Variants in TMEM132D observed in about 807,000 individuals in gnomAD.
TMEM132D encodes transmembrane protein 132D.
A neutral mutation model predicts 62.3 loss-of-function variants in TMEM132D; 21 were observed. The ratio of observed to expected loss-of-function variants is 0.34; its 90% confidence interval spans 0.24 to 0.49. The LOEUF is 0.49. Among genes scored for constraint, TMEM132D ranks in the 20% least tolerant of loss-of-function variants. The pLI is 0.99. For synonymous variants in TMEM132D, 621 were observed against 575.6 expected (o/e 1.08, Z -1.13); for missense variants, 1,346 against 1,402.8 (o/e 0.96, Z 0.65).
chr12:129,849,679 G>T (rs1349569368), intron 1 of TMEM132D, among the ~76,000 whole-genome samples: 1 of 152,210 alleles, frequency 6.6e-6, no homozygotes, highest in African/African-American at 2.4e-5. Flanking sequence ...TGCAGGGAAG[G>T]AACTGAGCTT....
intron 4 of TMEM132D, among the ~76,000 whole-genome samples, chr12:129,322,915 C>T (rs1378184697): frequency 6.6e-6 from 1 of 152,138 alleles, no homozygotes; most frequent in Admixed American, 6.5e-5. Flanking sequence ...CATTGCATTG[C>T]TTTTCCATAT....
chr12:129,654,402 C>A (rs1201363079), intron 2 of TMEM132D, among the ~76,000 whole-genome samples: 1 of 151,778 alleles, frequency 6.6e-6, no homozygotes, highest in Non-Finnish European at 1.5e-5. Context: ...TCACTCTTCT[C>A]GAGAAAATTT....
chr12:129,842,335 A>G (rs1423300500), intron 1 of TMEM132D, among the ~76,000 whole-genome samples: 1 of 152,134 alleles, frequency 6.6e-6, no homozygotes, highest in East Asian at 1.9e-4. Context: ...GGGGACAGAC[A>G]CAGAGATTTC....
At chr12:129,626,845 C>T (rs1879231512) in intron 2 of TMEM132D, among the ~76,000 whole-genome samples, 1 of 152,158 alleles carries the variant, frequency 6.6e-6, no homozygotes, top group Admixed American at 6.5e-5. Context: ...CTATCCTCAT[C>T]ACTAAGGTTT....
At chr12:129,168,305 A>G (rs1244956479) in intron 5 of TMEM132D, among the ~76,000 whole-genome samples, 1 of 152,114 alleles carries the variant, frequency 6.6e-6, no homozygotes, top group Non-Finnish European at 1.5e-5. Context: ...TACCACACAA[A>G]TTATCCTTTA....
intron 1 of TMEM132D, among the ~76,000 whole-genome samples, chr12:129,740,022 C>T (rs1355497642): frequency 2.0e-5 from 3 of 152,096 alleles, no homozygotes; most frequent in Admixed American, 6.5e-5. Flanking sequence ...TGTATGGCTG[C>T]AGCTCCCATG....
At chr12:129,166,865 TTAGA>T (rs1282243633) in intron 5 of TMEM132D, among the ~76,000 whole-genome samples, 1 of 151,882 alleles carries the variant, frequency 6.6e-6, no homozygotes, top group African/African-American at 2.4e-5. Context: ...GCTCAGCATC[TTAGA>T]AACCACACCA....
At chr12:129,357,051 C>T (rs1408579799) in intron 3 of TMEM132D, among the ~76,000 whole-genome samples, 1 of 151,298 alleles carries the variant, frequency 6.6e-6, no homozygotes, top group Non-Finnish European at 1.5e-5. Context: ...TCAAGACCAT[C>T]CTGGCTAACA....
Position 129,345,559 on chromosome 12 carries a change from C to T in TMEM132D, c.1116-7742G>A, listed in dbSNP as rs150348345. On this transcript the variant is annotated intron_variant, in intron 3 of 8. Transcript: ENST00000422113. ...AATGGCCTCCTGCTGGAACTATGGG[C>T]TTTAATACTATACTTCAAGTGAGTG... Among the ~76,000 whole-genome samples the T allele has an allele frequency of 1.1e-4, 17 of 152,244 alleles. No homozygotes were observed. In the East Asian group the frequency reaches 3.3e-3, roughly 29 times the overall value.
At chr12:129,507,733 T>TA (rs1875378907) in intron 3 of TMEM132D, among the ~76,000 whole-genome samples, 1 of 152,084 alleles carries the variant, frequency 6.6e-6, no homozygotes, top group South Asian at 2.1e-4. Context: ...GGGTGAAGGA[T>TA]AAAAGACTAC....
intron 3 of TMEM132D, among the ~76,000 whole-genome samples, chr12:129,417,528 T>C (rs1282942310): frequency 6.6e-6 from 1 of 152,156 alleles, no homozygotes; most frequent in African/African-American, 2.4e-5. Context: ...ACCCCTTCCT[T>C]ACACCTTATA....
chr12:129,342,446 A>G (rs1270759973), intron 3 of TMEM132D, among the ~76,000 whole-genome samples: 2 of 151,584 alleles, frequency 1.3e-5, no homozygotes, highest in African/African-American at 4.9e-5. Flanking sequence ...AAAGACTTAC[A>G]TGTTAGACCT....
intron 3 of TMEM132D, among the ~76,000 whole-genome samples, chr12:129,383,499 G>T (rs1213766352): frequency 2.6e-5 from 4 of 152,142 alleles, no homozygotes; most frequent in Non-Finnish European, 5.9e-5. Context: ...GCCCAGGCTG[G>T]CATGGAGTGG....
At chr12:129,672,007 A>G (rs938300710) in intron 2 of TMEM132D, among the ~76,000 whole-genome samples, 2 of 152,216 alleles carry the variant, frequency 1.3e-5, no homozygotes, top group African/African-American at 2.4e-5. Context: ...TGCTCCAGCA[A>G]AAGAATTCTG....
intron 1 of TMEM132D, among the ~76,000 whole-genome samples, chr12:129,821,231 T>C (rs1872534285): frequency 6.6e-6 from 1 of 152,166 alleles, no homozygotes; most frequent in African/African-American, 2.4e-5. Context: ...CACAATGGTG[T>C]GTATTGTGTG....
At chr12:129,209,771 C>T (rs992821794) in intron 4 of TMEM132D, 108 bp from the exon 5 acceptor site, 1 of 1,459,146 alleles carries the variant, frequency 6.9e-7, no homozygotes, top group Non-Finnish European at 9.3e-7. Flanking sequence ...GCACTGGCCT[C>T]TTCTGCAGGC....
At chr12:129,080,911 C>G (rs761950777) in intron 7 of TMEM132D, among the ~76,000 whole-genome samples, 3 of 152,112 alleles carry the variant, frequency 2.0e-5, no homozygotes, top group Admixed American at 1.3e-4. Context: ...CTCCGTCACC[C>G]GCTCCCCAGC....
At chr12:129,077,254 G>A (rs563995085) in intron 8 of TMEM132D, among the ~76,000 whole-genome samples, 12 of 152,224 alleles carry the variant, frequency 7.9e-5, no homozygotes, top group African/African-American at 2.4e-4. Context: ...TCACCCTGCC[G>A]AGGAAGAGTG....
At chr12:129,441,374 G>A (rs7956683) in intron 3 of TMEM132D, among the ~76,000 whole-genome samples, 22,208 of 152,132 alleles carry the variant, frequency 0.15, 1,835 homozygotes, top group South Asian at 0.29. Flanking sequence ...GAAACCATAA[G>A]AGGAACTGTT....
Sources: gnomAD v4.1 joint callset for allele counts (sites outside exome capture counted in the v4.1 genomes callset) on GRCh38, gnomAD v4.1.1 for gene constraint, MANE v1.5 for transcripts, NCBI Gene and HGNC (gene_info 2026-07-23, HGNC 2026-07-21) for gene names.